SLIT3: variants seen among roughly 807,000 people sequenced by gnomAD.
SLIT3 encodes the protein slit guidance ligand 3.
SLIT3 carries 68 observed loss-of-function variants against 184.0 expected under a neutral mutation model. The ratio of observed to expected loss-of-function variants is 0.37; its 90% CI spans 0.30 to 0.45. SLIT3 has a LOEUF of 0.45. SLIT3 is among the 20% of genes least tolerant of loss of function. The pLI is 1.00. For missense variants in SLIT3, 1,707 were observed against 2,026.0 expected (o/e 0.84, Z 3.02); for synonymous variants, 831 against 828.6 (o/e 1.00, Z -0.05).
intron 6 of SLIT3, among the ~76,000 whole-genome samples, chr5:168,834,686 C>CAAAAAAAAAAAAAAAAAA (rs540528948): frequency 5.3e-5 from 2 of 37,414 alleles, no homozygotes; most frequent in Admixed American, 4.3e-4. Flanking sequence ...GACTCTGTCT[C>CAAAAAAAAAAAAAAAAAA]AAAAAAAAAA....
Position 168,800,984 on chromosome 5 carries a change from G to A in SLIT3, c.936-5406C>T, listed in dbSNP as rs368283855. Among the ~76,000 whole-genome samples, 53 of 150,926 alleles carry A rather than the reference G, an allele frequency of 3.5e-4. 1 individual carries two copies. In the South Asian group the frequency reaches 0.011, roughly 30 times the overall value. On this transcript the variant is annotated intron_variant, in intron 9 of 35. Coordinates refer to ENST00000519560, the MANE Select transcript of SLIT3 (RefSeq NM_003062.4). The stretch of plus-strand genomic sequence containing the variant: ...CCATGTTATGTTATTTAATCTTCAC[G>A]GGAGATTTCTAGGTAGGTATGATGA...
chr5:169,001,724 G>A (rs2113422023), intron 4 of SLIT3, among the ~76,000 whole-genome samples: 1 of 152,272 alleles, frequency 6.6e-6, no homozygotes, highest in African/African-American at 2.4e-5. Flanking sequence ...TTGTTTTTCA[G>A]TGATTAATCT....
At chr5:168,818,789 AC>A (rs1182931473) in intron 7 of SLIT3, among the ~76,000 whole-genome samples, 1 of 152,168 alleles carries the variant, frequency 6.6e-6, no homozygotes, top group African/African-American at 2.4e-5. Flanking sequence ...AAGTGCAGCT[AC>A]CTCCTGCTGG....
At chr5:169,187,111 G>T (rs993955784) in intron 4 of SLIT3, among the ~76,000 whole-genome samples, 1 of 94,418 alleles carries the variant, frequency 1.1e-5, no homozygotes, top group African/African-American at 4.2e-5. Flanking sequence ...GCAGCTATAG[G>T]TTTTTTTTTT....
chr5:168,747,380 C>T (rs1184698813), intron 20 of SLIT3, among the ~76,000 whole-genome samples: 1 of 152,226 alleles, frequency 6.6e-6, no homozygotes, highest in Non-Finnish European at 1.5e-5. Flanking sequence ...AGGGGTCACA[C>T]CCATTTTGCT....
chr5:168,993,975 G>A (rs1450625121), intron 4 of SLIT3: 1 of 152,322 alleles, frequency 6.6e-6, no homozygotes, highest in Admixed American at 6.5e-5. Context: ...AGTGGGAATT[G>A]CAGGATGCCC....
chr5:168,998,835 T>C (rs1428147246), intron 4 of SLIT3, among the ~76,000 whole-genome samples: 1 of 152,044 alleles, frequency 6.6e-6, no homozygotes, highest in Non-Finnish European at 1.5e-5. Context: ...GAAATATGAA[T>C]TCTTGGGCCC....
At chr5:169,053,817 G>T (rs1343298297) in intron 4 of SLIT3, among the ~76,000 whole-genome samples, 5 of 152,126 alleles carry the variant, frequency 3.3e-5, no homozygotes, top group Non-Finnish European at 7.3e-5. Context: ...AACAGGTGCA[G>T]TGGCTCATGC....
intron 7 of SLIT3, among the ~76,000 whole-genome samples, chr5:168,818,968 G>T (rs1757430465): frequency 6.6e-6 from 1 of 152,208 alleles, no homozygotes; most frequent in East Asian, 1.9e-4. Flanking sequence ...TTTTGAAAAA[G>T]ACTTTTATGA....
At chr5:169,221,709 G>C (rs753332440) in intron 3 of SLIT3, among the ~76,000 whole-genome samples, 8 of 152,000 alleles carry the variant, frequency 5.3e-5, no homozygotes, top group African/African-American at 1.7e-4. Context: ...TGACTCCCCC[G>C]CCAGCCATCA....
chr5:169,260,886 TAA>T (rs1243587435), intron 1 of SLIT3, among the ~76,000 whole-genome samples: 1 of 152,234 alleles, frequency 6.6e-6, no homozygotes, highest in Non-Finnish European at 1.5e-5. Context: ...TAGACTATGA[TAA>T]ACGCTGTATA....
chr5:169,089,540 C>CA (rs1759488891), intron 4 of SLIT3, among the ~76,000 whole-genome samples: 1 of 152,172 alleles, frequency 6.6e-6, no homozygotes, highest in Non-Finnish European at 1.5e-5. Flanking sequence ...CTCCTTTTCC[C>CA]AAACCCAAAT....
intron 4 of SLIT3, among the ~76,000 whole-genome samples, chr5:169,102,697 G>A (rs564789389): frequency 5.3e-4 from 81 of 152,186 alleles, no homozygotes; most frequent in African/African-American, 1.9e-3. Flanking sequence ...AGAGAAAGGG[G>A]GAGATTTATC....
At chr5:169,098,206 G>A (rs1296726398) in intron 4 of SLIT3, among the ~76,000 whole-genome samples, 1 of 152,078 alleles carries the variant, frequency 6.6e-6, no homozygotes, top group African/African-American at 2.4e-5. Context: ...ATTACTCCAG[G>A]AAGAACTTCC....
At chr5:168,718,940 T>C (rs1762849958) in intron 23 of SLIT3, among the ~76,000 whole-genome samples, 1 of 152,262 alleles carries the variant, frequency 6.6e-6, no homozygotes, top group Admixed American at 6.5e-5. Flanking sequence ...GGAAAGAATA[T>C]ACAAATGTTC....
chr5:168,830,989 TA>T (rs1757862207), intron 6 of SLIT3, among the ~76,000 whole-genome samples: 1 of 152,014 alleles, frequency 6.6e-6, no homozygotes, highest in Non-Finnish European at 1.5e-5. Flanking sequence ...GCAACAGCAC[TA>T]GACAGCCCTC....
chr5:168,734,473 C>T (rs1467109268), intron 20 of SLIT3, among the ~76,000 whole-genome samples: 2 of 152,152 alleles, frequency 1.3e-5, no homozygotes, highest in Admixed American at 6.5e-5. Context: ...CAGGTTAACT[C>T]CTACAGATGC....
intron 3 of SLIT3, among the ~76,000 whole-genome samples, chr5:169,238,608 G>C (rs1266200156): frequency 7.5e-6 from 1 of 133,526 alleles, no homozygotes; most frequent in Non-Finnish European, 1.6e-5. Flanking sequence ...GCAAAGCAAT[G>C]AAAAACATGG....
chr5:169,028,242 G>GT (rs937713849), intron 4 of SLIT3, among the ~76,000 whole-genome samples: 1 of 133,244 alleles, frequency 7.5e-6, no homozygotes, highest in African/African-American at 3.2e-5. Flanking sequence ...TATTAGTGAT[G>GT]GGAAAAAAAA....
Sources: allele counts gnomAD v4.1 joint callset (sites outside exome capture counted in the v4.1 genomes callset), GRCh38; gene constraint gnomAD v4.1.1; transcripts MANE v1.5; gene names NCBI Gene and HGNC (gene_info 2026-07-23, HGNC 2026-07-21).